RORA: variants seen among roughly 807,000 people sequenced by gnomAD.
The protein encoded by RORA is nuclear receptor ROR-alpha.
A neutral mutation model predicts 69.5 loss-of-function variants in RORA; 7 were observed. The observed-to-expected ratio is 0.10, with a 90% CI of 0.06 to 0.19. RORA has a LOEUF of 0.19. Ranked by LOEUF, RORA falls within the 10% of genes least tolerant of loss-of-function variation. The pLI, the probability that RORA is intolerant of heterozygous loss-of-function variation, is 1.00. For synonymous variants in RORA, 261 were observed against 240.8 expected, an observed-to-expected ratio of 1.08 and a Z score of -0.78; for missense variants, 457 against 663.0, an observed-to-expected ratio of 0.69 and a Z score of 3.41.
At chr15:61,017,609 T>C (rs922972007) in intron 1 of RORA, among the ~76,000 whole-genome samples, 9 of 152,130 alleles carry the variant, frequency 5.9e-5, no homozygotes, top group African/African-American at 2.2e-4. Context: ...GGACAGATAT[T>C]TCAGCGTGGG....
chr15:61,089,545 C>A (rs1203217494), intron 1 of RORA, among the ~76,000 whole-genome samples: 2 of 152,216 alleles, frequency 1.3e-5, no homozygotes, highest in Non-Finnish European at 2.9e-5. Flanking sequence ...ATGCCTTTCA[C>A]TTGCTTGAAT....
intron 2 of RORA, among the ~76,000 whole-genome samples, chr15:60,610,297 G>C (rs923421313): frequency 2.6e-5 from 4 of 151,934 alleles, no homozygotes; most frequent in Non-Finnish European, 5.9e-5. Flanking sequence ...ATAATGCAAG[G>C]CAATGGCAAT....
chr15:60,641,814 C>T (rs1374948792), intron 2 of RORA, among the ~76,000 whole-genome samples: 1 of 152,112 alleles, frequency 6.6e-6, no homozygotes. Flanking sequence ...ACTCAACATA[C>T]AGTAACTCAT....
rs2068550305 is a variant in RORA at position 60,592,346 on chromosome 15, G to T, written c.197-60495C>A. On this transcript the variant is annotated intron_variant, in intron 2 of 10. Coordinates refer to ENST00000335670, the MANE Select transcript of RORA (RefSeq NM_134261.3). ...CGCGCCCTCCTCCCCGCCCCCCGGA[G>T]CCGCCAGCCCACCCGGCCCCGGCGG... The T allele has an allele frequency of 4.4e-6, 6 of 1,357,536 alleles. No individual in the cohort carries two copies. The South Asian group carries it at 6.7e-5, about 15-fold the overall frequency. 84.1% of individuals were successfully genotyped at this position (1,357,536 alleles called of 1,614,324 possible).
intron 2 of RORA, among the ~76,000 whole-genome samples, chr15:60,608,462 C>T (rs181430431): frequency 6.6e-6 from 1 of 152,246 alleles, no homozygotes; most frequent in East Asian, 1.9e-4. Flanking sequence ...TCAAAGAGGC[C>T]TCTGGTTCAG....
chr15:60,907,175 A>T (rs1308964695), intron 1 of RORA, among the ~76,000 whole-genome samples: 1 of 152,202 alleles, frequency 6.6e-6, no homozygotes, highest in East Asian at 1.9e-4. Flanking sequence ...CCTTTCATAC[A>T]TGAGGTAAAC....
chr15:60,756,904 C>A (rs887775370), intron 1 of RORA, among the ~76,000 whole-genome samples: 2 of 151,988 alleles, frequency 1.3e-5, no homozygotes, highest in African/African-American at 4.8e-5. Context: ...TAAATTAAAC[C>A]ATGGGAATCA....
At chr15:61,181,184 G>A (rs2079682022) in intron 1 of RORA, 1 of 151,828 alleles carries the variant, frequency 6.6e-6, no homozygotes, top group African/African-American at 2.4e-5. Context: ...AAATGCTAAG[G>A]AATACTAAGA....
chr15:60,956,811 A>G (rs942387860), intron 1 of RORA, among the ~76,000 whole-genome samples: 3 of 152,190 alleles, frequency 2.0e-5, no homozygotes, highest in African/African-American at 7.2e-5. Flanking sequence ...AATTATCAGT[A>G]CATACCAGTC....
At chr15:60,762,147 A>C (rs1287608637) in intron 1 of RORA, among the ~76,000 whole-genome samples, 1 of 152,232 alleles carries the variant, frequency 6.6e-6, no homozygotes, top group African/African-American at 2.4e-5. Context: ...AGCTGGCTTT[A>C]TGAATCTTTA....
chr15:60,962,218 C>G (rs544899236), intron 1 of RORA, among the ~76,000 whole-genome samples: 2 of 152,306 alleles, frequency 1.3e-5, no homozygotes, highest in East Asian at 3.9e-4. Flanking sequence ...AGAAATTTGG[C>G]ATTTCCTGTC....
At chr15:61,084,944 T>C (rs917115613) in intron 1 of RORA, among the ~76,000 whole-genome samples, 2 of 152,070 alleles carry the variant, frequency 1.3e-5, no homozygotes, top group South Asian at 4.1e-4. Context: ...CTGGCTGAAT[T>C]ATCCCCAAGT....
chr15:60,946,841 G>A (rs1456075793), intron 1 of RORA, among the ~76,000 whole-genome samples: 2 of 151,720 alleles, frequency 1.3e-5, no homozygotes, highest in South Asian at 2.1e-4. Context: ...CTGCCTGGCC[G>A]CCCATCGTCT....
At chr15:60,516,057 T>TTA (rs373418788) in intron 3 of RORA, among the ~76,000 whole-genome samples, 1,961 of 5,714 alleles carry the variant, frequency 0.34, 423 homozygotes, top group Middle Eastern at 0.75. Context: ...TTATATATAT[T>TTA]TATATATATT....
intron 2 of RORA, among the ~76,000 whole-genome samples, chr15:60,659,942 C>T (rs1159401094): frequency 6.6e-6 from 1 of 152,148 alleles, no homozygotes. Context: ...CTACTTCAGT[C>T]TTCATCTCAA....
At chr15:61,203,580 G>A (rs726913) in intron 1 of RORA, among the ~76,000 whole-genome samples, 58,300 of 151,908 alleles carry the variant, frequency 0.38, 11,349 homozygotes, top group Middle Eastern at 0.42. Context: ...GAAGTGAAAC[G>A]GGATAAAATG....
At chr15:60,645,838 A>G (rs566541282) in intron 2 of RORA, among the ~76,000 whole-genome samples, 2 of 150,144 alleles carry the variant, frequency 1.3e-5, no homozygotes, top group South Asian at 4.2e-4. Flanking sequence ...TGATTTCGTT[A>G]TATGTTATCA....
At chr15:60,587,706 A>G (rs1207215851) in intron 2 of RORA, among the ~76,000 whole-genome samples, 2 of 152,216 alleles carry the variant, frequency 1.3e-5, no homozygotes, top group Non-Finnish European at 2.9e-5. Flanking sequence ...TTAAAAAATG[A>G]AATAACTGGA....
At chr15:61,056,479 G>T (rs2078098294) in intron 1 of RORA, among the ~76,000 whole-genome samples, 1 of 152,142 alleles carries the variant, frequency 6.6e-6, no homozygotes, top group South Asian at 2.1e-4. Context: ...CAAAACCCAG[G>T]ATTATTCAGA....
Sources: allele counts gnomAD v4.1 joint callset (sites outside exome capture counted in the v4.1 genomes callset), GRCh38; gene constraint gnomAD v4.1.1; transcripts MANE v1.5; gene names NCBI Gene and HGNC (gene_info 2026-07-23, HGNC 2026-07-21).